Variants in SRCAP observed in about 807,000 individuals in gnomAD.
The protein encoded by SRCAP is chromatin remodeling protein SRCAP.
A neutral mutation model predicts 263.1 loss-of-function variants in SRCAP; 46 were observed. The ratio of observed to expected loss-of-function variants is 0.17; its 90% CI spans 0.14 to 0.22. The LOEUF is 0.22. SRCAP is among the 10% of genes least tolerant of loss of function. SRCAP has a pLI of 1.00. For synonymous variants in SRCAP, 1,813 were observed against 1,662.1 expected (o/e 1.09, Z -2.21); for missense variants, 3,695 against 4,181.9 (o/e 0.88, Z 3.21).
Position 30,724,479 on chromosome 16 carries a change from A to G in SRCAP, c.5055A>G (p.Pro1685=). The G allele has an allele frequency of 6.2e-7, 1 of 1,614,026 alleles. No homozygotes were observed. The highest frequency in any genetic ancestry group is 8.5e-7 in the Non-Finnish European group (1 of 1,180,000). Residue 1685 remains proline, a synonymous_variant, in exon 25 of 34, where the codon CCA becomes CCG. Transcript: ENST00000262518. ...PASTQTLALA[P]ALAPTLGGSS... is the part of the protein sequence containing the mutation. ...CTACGCAGACACTGGCCCTAGCCCC[A>G]GCTTTAGCACCCACTCTTGGAGGCT...
intron 2 of SRCAP, among the ~76,000 whole-genome samples, chr16:30,700,266 T>C (rs995155860): frequency 6.6e-6 from 1 of 152,320 alleles, no homozygotes; most frequent in Non-Finnish European, 1.5e-5. Flanking sequence ...CTGTGTAACC[T>C]TCCGCAAATC....
chr16:30,716,024 C>A (rs1390901060), intron 16 of SRCAP, 42 bp from the exon 17 acceptor site: 2 of 1,612,254 alleles, frequency 1.2e-6, no homozygotes, highest in Non-Finnish European at 1.7e-6. Flanking sequence ...GGGCTCGGTG[C>A]CTGAGTTCTC....
At chr16:30,732,268 A>T (rs995987545) in intron 27 of SRCAP, among the ~76,000 whole-genome samples, 1 of 152,286 alleles carries the variant, frequency 6.6e-6, no homozygotes, top group African/African-American at 2.4e-5. Context: ...CCTGACCAAC[A>T]TGGAGAAACC....
rs752658370 is a variant in SRCAP at position 30,722,662 on chromosome 16, C to A, written c.3806C>A (p.Pro1269His). The A allele has an allele frequency of 6.2e-7, 1 of 1,614,034 alleles. No homozygotes were observed. The highest frequency in any genetic ancestry group is 8.5e-7 in the Non-Finnish European group (1 of 1,179,998). Reference protein sequence around the residue: ...LIQAVAPTPGPTPVSVLPSST... With the variant: ...LIQAVAPTPGHTPVSVLPSST... ...CAGGCCGTGGCCCCGACCCCTGGCC[C>A]TACCCCTGTCTCTGTGCTGCCTTCT... Residue 1269 changes from proline (P) to histidine (H), a missense_variant, in exon 23 of 34, where the codon CCT (proline) becomes CAT (histidine). By Grantham distance (77) the Pro-to-His change is moderately conservative. Transcript: ENST00000262518.
Position 30,739,899 on chromosome 16 carries a change from T to A in SRCAP, c.*166T>A. On this transcript the variant is annotated 3_prime_UTR_variant, in exon 34 of 34. Transcript: ENST00000262518. The stretch of plus-strand genomic sequence containing the variant: ...GTAGGGGGTAGGCAACTGGTTGTCA[T>A]GGAAATGGGGATCATCACAGTCCCC... The A allele has an allele frequency of 8.8e-7, 1 of 1,138,898 alleles. No homozygotes were observed. The highest frequency in any genetic ancestry group is 1.2e-6 in the Non-Finnish European group (1 of 849,066). The allele number at this position is 1,138,898 out of a possible 1,614,324, so 70.5% of individuals were successfully genotyped here.
At position 30,715,977 on chromosome 16, in the gene SRCAP, T is replaced by G. The variant is rs1197046164; in HGVS notation, c.2494-89T>G. 5.2e-6 allele frequency: 8 copies of G among 1,544,344 alleles called. No homozygotes were observed. In the Admixed American group the frequency reaches 1.1e-4, roughly 21 times the overall value. ...GGTTGGTGTCTGATATGGTGTGCCGTATGACTCCATTAGTGTTTGCTGAGG... is the reference window on the plus strand; with the variant it reads ...GGTTGGTGTCTGATATGGTGTGCCGGATGACTCCATTAGTGTTTGCTGAGG... On this transcript the variant is annotated intron_variant, in intron 16 of 33. Transcript: ENST00000262518.
At chr16:30,710,613 G>A in intron 8 of SRCAP, 141 bp from the exon 9 acceptor site, 5 of 913,558 alleles carry the variant, frequency 5.5e-6, no homozygotes, top group Non-Finnish European at 7.3e-6. Context: ...ACCCTTGATT[G>A]TATTCTTGCC....
chr16:30,700,963 T>G (rs1390114058), intron 3 of SRCAP, 85 bp downstream of exon 3: 1 of 1,450,526 alleles, frequency 6.9e-7, no homozygotes, highest in African/African-American at 1.4e-5. Context: ...AGGGGAATAT[T>G]TGTGGAGAGT....
At position 30,723,787 on chromosome 16, in the gene SRCAP, C is replaced by T; in HGVS notation, c.4363C>T (p.Leu1455Phe). Residue 1455 changes from leucine to phenylalanine, a missense_variant, in exon 25 of 34, where the codon CTC becomes TTC. By Grantham distance (22) the Leu-to-Phe change is conservative (BLOSUM62 0). Transcript: ENST00000262518. ...TTLPAPASAP[L>F]TIPISAPLTV... ...ACTTCCTGCCCCAGCCTCGGCTCCA[C>T]TCACCATCCCCATCTCAGCCCCCTT... 3.7e-6 allele frequency: 6 copies of T among 1,614,074 alleles called. No individual in the cohort carries two copies. Among genetic ancestry groups the T allele is most frequent in the South Asian group, 2.2e-5 (2 of 91,078 alleles).
intron 18 of SRCAP, among the ~76,000 whole-genome samples, chr16:30,718,595 C>G (rs2052977529): frequency 6.6e-6 from 1 of 151,846 alleles, no homozygotes. Flanking sequence ...TGCCTCACTC[C>G]CAAGTAACTG....
At chr16:30,716,639 C>T (rs144626562) in intron 18 of SRCAP, among the ~76,000 whole-genome samples, 160 bp downstream of exon 18, 7 of 152,262 alleles carry the variant, frequency 4.6e-5, no homozygotes, top group Non-Finnish European at 5.9e-5. Flanking sequence ...AACGATGGTT[C>T]AACTTAATAT....
rs1368898555 is a variant in SRCAP, at chr16:30,712,471, C to G, written c.1993+32C>G. 5.2e-6 allele frequency: 8 copies of G among 1,544,208 alleles called. No homozygotes were observed. In the East Asian group the frequency reaches 1.6e-4, roughly 30 times the overall value. ...AGGCAAGGCCCCTTCTTTTGTTCCCCCTAGTCTAGCTCCCTGGGAGCTTGT... is the reference window on the plus strand; with the variant it reads ...AGGCAAGGCCCCTTCTTTTGTTCCCGCTAGTCTAGCTCCCTGGGAGCTTGT... On this transcript the variant is annotated intron_variant, in intron 13 of 33. Coordinates refer to ENST00000262518, the MANE Select transcript of SRCAP (RefSeq NM_006662.3).
chr16:30,706,536 A>T lies in SRCAP; in HGVS notation c.307-647A>T, dbSNP rs550923957. ...TTAAATGCTTTTTAAATAAAAGACA[A>T]TCAGTGTAGAAGCTTTAGTAAAAAT... On this transcript the variant is annotated intron_variant, in intron 4 of 33. Transcript: ENST00000262518. 3.3e-5 allele frequency among the ~76,000 whole-genome samples: 5 copies of T among 152,344 alleles called. No individual in the cohort carries two copies. In the East Asian group the frequency reaches 9.6e-4, roughly 29 times the overall value.
rs771489313 is a variant in SRCAP, at chr16:30,722,108, T to G, written c.3542-14T>G. Reference sequence around the variant, plus strand: ...GATGAGCCTTGTGTACAATAAGGCCTTCTCTGTTTTTAGCAGGCGAAGTGG... The same window carrying G: ...GATGAGCCTTGTGTACAATAAGGCCGTCTCTGTTTTTAGCAGGCGAAGTGG... On this transcript the variant is annotated splice_polypyrimidine_tract_variant and intron_variant, in intron 21 of 33. Coordinates refer to ENST00000262518, the MANE Select transcript of SRCAP (RefSeq NM_006662.3). The G allele has an allele frequency of 1.3e-5, 21 of 1,610,756 alleles. No homozygotes were observed. The South Asian group carries it at 1.9e-4, about 14-fold the overall frequency.
chr16:30,736,209 C>A lies in SRCAP; in HGVS notation c.6739C>A (p.Arg2247=). 2 of 1,613,992 alleles carry A rather than the reference C, an allele frequency of 1.2e-6. No individual in the cohort carries two copies. Among genetic ancestry groups the A allele is most frequent in the South Asian group, 2.2e-5 (2 of 90,998 alleles). ...TTATACACCCTGGTAGGCATTGTGT[C>A]GGGCAGAAGATGAAGAGGATATCCG... ...QTHILEQALC[R]AEDEEDIRAA... is the part of the protein sequence containing the mutation. The change falls in exon 32 of 34, where the codon CGG becomes AGG. Residue 2247 remains arginine (R), a synonymous_variant. Coordinates refer to ENST00000262518, the MANE Select transcript of SRCAP (RefSeq NM_006662.3).
intron 6 of SRCAP, among the ~76,000 whole-genome samples, chr16:30,709,023 C>T (rs561983990): frequency 1.3e-5 from 2 of 151,632 alleles, no homozygotes; most frequent in Admixed American, 6.6e-5. Flanking sequence ...TTCACCATGT[C>T]GGTCAGGCTG....
chr16:30,713,379 TG>T lies in SRCAP; in HGVS notation c.2300+4del, dbSNP rs1381175277. 1 of 1,613,870 alleles carries T rather than the reference TG, an allele frequency of 6.2e-7. No individual in the cohort carries two copies. The highest frequency in any genetic ancestry group is 8.5e-7 in the Non-Finnish European group (1 of 1,179,910). On this transcript the variant is annotated splice_donor_region_variant and intron_variant, in intron 15 of 33. Transcript: ENST00000262518. The stretch of plus-strand genomic sequence containing the variant: ...GCAGTCACTCCTCAACTTCAACAGG[TG>T]GAGATGGAGATGGGGATTCATGGGA...
At chr16:30,722,450 T>G in intron 22 of SRCAP, 113 bp from the exon 23 acceptor site, 1 of 1,501,964 alleles carries the variant, frequency 6.7e-7, no homozygotes, top group Non-Finnish European at 9.1e-7. Flanking sequence ...AGGGAAGAGG[T>G]CATTCTAGAG....
At chr16:30,699,825 G>C (rs1213226981) in intron 1 of SRCAP, 83 bp from the exon 2 acceptor site, 1 of 152,066 alleles carries the variant, frequency 6.6e-6, no homozygotes, top group Admixed American at 6.5e-5. Context: ...TAGTTTTTCT[G>C]TTTCTAGTCT....
Sources: gnomAD v4.1 joint callset for allele counts (sites outside exome capture counted in the v4.1 genomes callset) on GRCh38, gnomAD v4.1.1 for gene constraint, MANE v1.5 for transcripts, NCBI Gene and HGNC (gene_info 2026-07-23, HGNC 2026-07-21) for gene names.